The following METTL25 variants were observed in gnomAD, a reference collection of about 807,000 sequenced individuals.
METTL25 encodes the protein methyltransferase like 25.
Under a neutral mutation model 71.6 loss-of-function variants are expected in METTL25, and 64 were observed. That is an observed-to-expected ratio of 0.89 (90% confidence interval 0.73 to 1.10). The LOEUF is 1.10. Ranked by LOEUF, METTL25 falls within the 50% of genes least tolerant of loss-of-function variation. The pLI, the probability that METTL25 is intolerant of heterozygous loss-of-function variation, is 0.00. For missense variants in METTL25, 807 were observed against 707.0 expected (o/e 1.14, Z -1.60); for synonymous variants, 287 against 250.3 (o/e 1.15, Z -1.38).
chr12:82,368,174 A>C (rs139394982), intron 1 of METTL25, among the ~76,000 whole-genome samples: 1 of 152,122 alleles, frequency 6.6e-6, no homozygotes. Flanking sequence ...GTTATCTTGC[A>C]CAGGGCATTT....
chr12:82,446,713 T>G (rs1890775574), intron 8 of METTL25, among the ~76,000 whole-genome samples: 2 of 151,504 alleles, frequency 1.3e-5, no homozygotes, highest in Admixed American at 6.6e-5. Context: ...GCTTCACGGA[T>G]TCAAGCTATT....
At chr12:82,395,161 T>C (rs1403104530) in intron 3 of METTL25, among the ~76,000 whole-genome samples, 1 of 152,044 alleles carries the variant, frequency 6.6e-6, no homozygotes, top group African/African-American at 2.4e-5. Context: ...ATTTGCCTCT[T>C]TTCTTTACCA....
chr12:82,414,774 G>A (rs954703837), intron 5 of METTL25, among the ~76,000 whole-genome samples: 7 of 151,826 alleles, frequency 4.6e-5, no homozygotes, highest in African/African-American at 7.3e-5. Context: ...TATATAAATC[G>A]AGATTTTGAT....
chr12:82,401,567 C>T (rs1225326027), intron 4 of METTL25, among the ~76,000 whole-genome samples: 1 of 151,872 alleles, frequency 6.6e-6, no homozygotes, highest in East Asian at 1.9e-4. Context: ...AGGCTTTTTC[C>T]CGAGACTGTG....
At chr12:82,472,096 A>G (rs1237643320) in intron 9 of METTL25, among the ~76,000 whole-genome samples, 2 of 152,150 alleles carry the variant, frequency 1.3e-5, no homozygotes, top group African/African-American at 4.8e-5. Context: ...GTCTTGGGAC[A>G]TTGGGACATT....
intron 1 of METTL25, among the ~76,000 whole-genome samples, chr12:82,369,115 C>A (rs758832297): frequency 6.6e-6 from 1 of 152,156 alleles, no homozygotes; most frequent in Non-Finnish European, 1.5e-5. Context: ...AGCTTTCCTA[C>A]TCCCATCTAT....
Position 82,438,717 on chromosome 12 carries a change from G to A in METTL25, c.1405-1G>A, listed in dbSNP as rs1200237200. On this transcript the variant is annotated splice_acceptor_variant, in intron 7 of 11. Coordinates refer to ENST00000248306, the MANE Select transcript of METTL25 (RefSeq NM_032230.3). LOFTEE classifies it high-confidence loss of function. ...CTTATATATGTCTACATTTTTTTCA[G>A]CTGCCTACTGAATCACTCTTCTATC... 2 of 1,459,622 alleles carry A rather than the reference G, an allele frequency of 1.4e-6. No individual in the cohort carries two copies. The highest frequency in any genetic ancestry group is 5.0e-5 in the East Asian group (2 of 39,908). The allele number at this position is 1,459,622 out of a possible 1,614,324, so 90.4% of individuals were successfully genotyped here.
chr12:82,477,433 G>T (rs921474227), intron 11 of METTL25, 81 bp downstream of exon 11: 2 of 652,224 alleles, frequency 3.1e-6, no homozygotes, highest in Non-Finnish European at 5.0e-6. Context: ...TAGGATAAGA[G>T]TCTTTCACAT....
At chr12:82,436,399 T>C (rs975559660) in intron 7 of METTL25, among the ~76,000 whole-genome samples, 4 of 151,554 alleles carry the variant, frequency 2.6e-5, no homozygotes, top group Non-Finnish European at 5.9e-5. Flanking sequence ...AAGTAAACTC[T>C]GGCCACATCC....
At chr12:82,400,173 A>T (rs202031438) in intron 4 of METTL25, among the ~76,000 whole-genome samples, 9 of 151,516 alleles carry the variant, frequency 5.9e-5, no homozygotes, top group Non-Finnish European at 7.4e-5. Flanking sequence ...AATACAAAAA[A>T]AAATATATAT....
chr12:82,410,480 T>C (rs1281967911), intron 5 of METTL25, among the ~76,000 whole-genome samples: 5 of 152,166 alleles, frequency 3.3e-5, no homozygotes, highest in Admixed American at 3.3e-4. Context: ...GCATCATTTC[T>C]CTTTTCAAAA....
At chr12:82,366,217 A>G (rs1285480205) in intron 1 of METTL25, among the ~76,000 whole-genome samples, 2 of 152,236 alleles carry the variant, frequency 1.3e-5, no homozygotes, top group Non-Finnish European at 2.9e-5. Flanking sequence ...AGTGGAAACT[A>G]ATACATTTGT....
chr12:82,458,951 C>T (rs917693579), intron 9 of METTL25, among the ~76,000 whole-genome samples: 1 of 152,144 alleles, frequency 6.6e-6, no homozygotes, highest in African/African-American at 2.4e-5. Context: ...GACACAGGCT[C>T]ACTAAAAGAC....
At chr12:82,427,037 C>G (rs376128400) in intron 5 of METTL25, among the ~76,000 whole-genome samples, 1 of 152,004 alleles carries the variant, frequency 6.6e-6, no homozygotes, top group Non-Finnish European at 1.5e-5. Flanking sequence ...AAAGGTATCT[C>G]CATAAGCGCT....
At chr12:82,408,811 G>C (rs899353955) in intron 5 of METTL25, among the ~76,000 whole-genome samples, 1 of 152,104 alleles carries the variant, frequency 6.6e-6, no homozygotes, top group African/African-American at 2.4e-5. Context: ...CTGACTTACA[G>C]AGAAAGGGGT....
intron 3 of METTL25, among the ~76,000 whole-genome samples, chr12:82,397,421 T>C (rs1043375281): frequency 3.9e-5 from 6 of 152,098 alleles, no homozygotes; most frequent in Non-Finnish European, 7.4e-5. Flanking sequence ...TTTTCATTTT[T>C]GTCTTTTTGA....
At chr12:82,467,073 T>A (rs1253104529) in intron 9 of METTL25, among the ~76,000 whole-genome samples, 1 of 151,668 alleles carries the variant, frequency 6.6e-6, no homozygotes, top group African/African-American at 2.4e-5. Flanking sequence ...TTTAAGCCTG[T>A]GAGTGTGTTT....
intron 8 of METTL25, among the ~76,000 whole-genome samples, chr12:82,441,563 G>GC (rs1420939626): frequency 3.3e-5 from 5 of 151,814 alleles, no homozygotes; most frequent in African/African-American, 1.2e-4. Flanking sequence ...AAGGTAAAGA[G>GC]AATAGAGCAG....
chr12:82,385,263 T>G (rs1167085511), intron 1 of METTL25, among the ~76,000 whole-genome samples: 4 of 152,144 alleles, frequency 2.6e-5, no homozygotes, highest in Non-Finnish European at 1.5e-5. Flanking sequence ...CCTCATCACT[T>G]ATCTTACTTA....
Sources: allele counts gnomAD v4.1 joint callset (sites outside exome capture counted in the v4.1 genomes callset), GRCh38; gene constraint gnomAD v4.1.1; transcripts MANE v1.5; gene names NCBI Gene and HGNC (gene_info 2026-07-23, HGNC 2026-07-21).